SLC22A24: variants seen among roughly 807,000 people sequenced by gnomAD.
The protein encoded by SLC22A24 is steroid transmembrane transporter SLC22A24.
A neutral mutation model predicts 49.8 loss-of-function variants in SLC22A24; 53 were observed. The ratio of observed to expected loss-of-function variants is 1.06; its 90% confidence interval spans 0.85 to 1.34. SLC22A24 has a LOEUF of 1.34. SLC22A24 is among the 40% of genes most tolerant of loss of function. SLC22A24 has a pLI of 0.00. For synonymous variants in SLC22A24, 302 were observed against 256.4 expected (o/e 1.18, Z -1.70); for missense variants, 786 against 675.9 (o/e 1.16, Z -1.81).
At chr11:63,132,178 G>A (rs1001724076) in intron 2 of SLC22A24, among the ~76,000 whole-genome samples, 6 of 152,050 alleles carry the variant, frequency 3.9e-5, no homozygotes, top group South Asian at 2.1e-4. Flanking sequence ...TTAGCCATTC[G>A]TCTAACCTTT....
chr11:63,139,649 A>T (rs1258169883), intron 1 of SLC22A24, among the ~76,000 whole-genome samples: 1 of 152,168 alleles, frequency 6.6e-6, no homozygotes, highest in Non-Finnish European at 1.5e-5. Context: ...CTTGCAAGGA[A>T]ATGCACAGTT....
At chr11:63,085,421 A>G (rs1032516435) in intron 6 of SLC22A24, among the ~76,000 whole-genome samples, 16 of 152,194 alleles carry the variant, frequency 1.1e-4, no homozygotes, top group African/African-American at 3.6e-4. Context: ...CAAGTTTACT[A>G]TCATGTATGC....
chr11:63,128,927 A>T (rs2087313639), intron 2 of SLC22A24, among the ~76,000 whole-genome samples: 1 of 151,874 alleles, frequency 6.6e-6, no homozygotes, highest in South Asian at 2.1e-4. Context: ...ACAATCTCTC[A>T]TCTCTGTACA....
Position 63,110,425 on chromosome 11 carries a change from A to C in SLC22A24, c.831-6127T>G, listed in dbSNP as rs552719598. ...TTGATGGGGATGGCATTGAATCTAT[A>C]AATTATCTTGGGCAGTATGGCCATT... On this transcript the variant is annotated intron_variant, in intron 4 of 9. Transcript: ENST00000612278. Among the ~76,000 whole-genome samples, 660 of 151,698 alleles carry C rather than the reference A, an allele frequency of 4.4e-3. 4 individuals are homozygous for C. The highest frequency in any genetic ancestry group is 0.015 in the African/African-American group (607 of 41,358).
chr11:63,111,195 A>T (rs1057466690), intron 4 of SLC22A24, among the ~76,000 whole-genome samples: 7 of 151,948 alleles, frequency 4.6e-5, no homozygotes, highest in Non-Finnish European at 8.8e-5. Flanking sequence ...CCCAGGGATG[A>T]AGCCCACTTG....
At chr11:63,088,819 G>A (rs1447485695) in intron 6 of SLC22A24, among the ~76,000 whole-genome samples, 1 of 151,860 alleles carries the variant, frequency 6.6e-6, no homozygotes, top group Non-Finnish European at 1.5e-5. Context: ...GCAGAATAAA[G>A]GATATCAGAG....
chr11:63,090,488 C>T (rs1005475965), intron 6 of SLC22A24, among the ~76,000 whole-genome samples: 2 of 151,906 alleles, frequency 1.3e-5, no homozygotes, highest in African/African-American at 2.4e-5. Context: ...TGCAAAAGAA[C>T]GGAAATCATA....
At chr11:63,127,981 G>A (rs372064043) in intron 2 of SLC22A24, among the ~76,000 whole-genome samples, 40 of 151,026 alleles carry the variant, frequency 2.6e-4, no homozygotes, top group African/African-American at 4.6e-4. Context: ...TAGTGTGGGC[G>A]GCAAGCCACC....
At chr11:63,096,201 A>C in intron 5 of SLC22A24, 95 bp from the exon 6 acceptor site, 1 of 762,814 alleles carries the variant, frequency 1.3e-6, no homozygotes, top group Non-Finnish European at 2.2e-6. Context: ...ACATATTGTA[A>C]ACTATCCTCA....
chr11:63,137,569 C>A (rs1284696390), intron 1 of SLC22A24, among the ~76,000 whole-genome samples: 1 of 152,192 alleles, frequency 6.6e-6, no homozygotes, highest in Non-Finnish European at 1.5e-5. Context: ...CAGGGACCAA[C>A]AGGAAAAATG....
chr11:63,126,866 A>T (rs563513619), intron 2 of SLC22A24, among the ~76,000 whole-genome samples: 1 of 152,222 alleles, frequency 6.6e-6, no homozygotes, highest in Admixed American at 6.5e-5. Context: ...GGTCCATCAG[A>T]TCCCTTGTAA....
At chr11:63,128,296 T>C (rs1365873810) in intron 2 of SLC22A24, among the ~76,000 whole-genome samples, 1 of 151,996 alleles carries the variant, frequency 6.6e-6, no homozygotes, top group African/African-American at 2.4e-5. Context: ...GGCTCCTTGG[T>C]CTAGCAGTAA....
At chr11:63,082,187 T>A (rs571448223) in intron 7 of SLC22A24, among the ~76,000 whole-genome samples, 1 of 152,158 alleles carries the variant, frequency 6.6e-6, no homozygotes, top group Non-Finnish European at 1.5e-5. Context: ...TTCTACCATA[T>A]AGTAAGAAAA....
intron 5 of SLC22A24, among the ~76,000 whole-genome samples, chr11:63,097,329 C>A (rs1219404835): frequency 6.6e-6 from 1 of 152,152 alleles, no homozygotes; most frequent in Non-Finnish European, 1.5e-5. Context: ...AAAAAAAGCT[C>A]ATCATCCCTG....
chr11:63,113,089 T>TACATATATATATATATAC (rs2087182140), intron 4 of SLC22A24, among the ~76,000 whole-genome samples: 1 of 2,658 alleles, frequency 3.8e-4, no homozygotes, highest in East Asian at 0.029. Flanking sequence ...CACATATATA[T>TACATATATATATATATAC]ACATATATAT....
intron 4 of SLC22A24, among the ~76,000 whole-genome samples, chr11:63,115,245 A>G (rs2087203467): frequency 6.6e-6 from 1 of 152,066 alleles, no homozygotes; most frequent in Non-Finnish European, 1.5e-5. Flanking sequence ...TGGCCACTTT[A>G]TTTACCTACT....
chr11:63,084,155 C>T (rs532285354), intron 6 of SLC22A24, among the ~76,000 whole-genome samples: 3 of 152,228 alleles, frequency 2.0e-5, no homozygotes, highest in Admixed American at 6.5e-5. Flanking sequence ...TTTACCTTAC[C>T]TTAGTGAGGC....
intron 2 of SLC22A24, among the ~76,000 whole-genome samples, chr11:63,120,300 T>C (rs1426521755): frequency 9.9e-6 from 1 of 101,336 alleles, no homozygotes; most frequent in Non-Finnish European, 1.9e-5. Context: ...CTGGGGACTG[T>C]TGTGGGGTGG....
intron 2 of SLC22A24, among the ~76,000 whole-genome samples, chr11:63,126,316 A>G (rs1166527134): frequency 6.6e-6 from 1 of 152,162 alleles, no homozygotes; most frequent in Non-Finnish European, 1.5e-5. Context: ...TCTTTAATCC[A>G]TCTTGAATTA....
Sources: allele counts gnomAD v4.1 joint callset (sites outside exome capture counted in the v4.1 genomes callset), GRCh38; gene constraint gnomAD v4.1.1; transcripts MANE v1.5; gene names NCBI Gene and HGNC (gene_info 2026-07-23, HGNC 2026-07-21).